Variants in PKD2 observed in about 807,000 individuals in gnomAD.
PKD2 encodes polycystin 2, transient receptor potential cation channel.
A neutral mutation model predicts 105.9 loss-of-function variants in PKD2; 48 were observed. The ratio of observed to expected loss-of-function variants is 0.45; its 90% CI spans 0.36 to 0.58. The LOEUF is 0.58. Ranked by LOEUF, PKD2 falls within the 20% of genes least tolerant of loss-of-function variation. PKD2 has a pLI of 0.00. For synonymous variants in PKD2, 464 were observed against 481.1 expected (o/e 0.96, Z 0.46); for missense variants, 1,078 against 1,255.3 (o/e 0.86, Z 2.13).
intron 1 of PKD2, among the ~76,000 whole-genome samples, chr4:88,009,215 A>C (rs1007822456): frequency 6.6e-6 from 1 of 152,234 alleles, no homozygotes; most frequent in African/African-American, 2.4e-5. Context: ...CTCTTTTTAC[A>C]AATTTTGTCA....
At position 88,007,885 on chromosome 4, in the gene PKD2, G is replaced by T. The variant is rs1322801646; in HGVS notation, c.152G>T (p.Gly51Val). The T allele has an allele frequency of 3.6e-6, 5 of 1,373,006 alleles. No homozygotes were observed. Among genetic ancestry groups the T allele is most frequent in the Non-Finnish European group, 4.7e-6 (5 of 1,056,158 alleles). 85.1% of individuals were successfully genotyped at this position (1,373,006 alleles called of 1,614,324 possible). Residue 51 changes from glycine (G) to valine (V), a missense_variant, in exon 1 of 15, where the codon GGC (glycine) becomes GTC (valine). Around this residue, in one of 2 missense-constraint regions of PKD2, gnomAD observed 210 missense variants for 187.9 expected, o/e 1.12. Coordinates refer to ENST00000237596, the MANE Select transcript of PKD2 (RefSeq NM_000297.4). ...CCGGGCGGCCTCTGCGAGCAGCGGG[G>T]CCTGGAGATCGAGATGCAGCGCATC... is the stretch of plus-strand genomic sequence containing the variant. Reference protein sequence around the residue: ...AAPGGLCEQRGLEIEMQRIRQ... With the variant: ...AAPGGLCEQRVLEIEMQRIRQ...
chr4:88,041,844 C>G (rs1316462853), intron 4 of PKD2, among the ~76,000 whole-genome samples: 14 of 152,182 alleles, frequency 9.2e-5, no homozygotes. Flanking sequence ...TCCAACCTTG[C>G]AAACAGGCCT....
chr4:88,053,612 G>A (rs539827628), intron 7 of PKD2, among the ~76,000 whole-genome samples: 4 of 149,732 alleles, frequency 2.7e-5, no homozygotes, highest in East Asian at 3.9e-4. Flanking sequence ...AGCCAAGATC[G>A]CACCGCTGCA....
intron 9 of PKD2, 136 bp downstream of exon 9, chr4:88,058,239 A>T: frequency 3.0e-6 from 2 of 657,478 alleles, no homozygotes; most frequent in South Asian, 3.6e-5. Flanking sequence ...ATGTTGGAAA[A>T]CTTATTTTCC....
intron 3 of PKD2, among the ~76,000 whole-genome samples, chr4:88,038,024 G>T (rs1727403676): frequency 1.3e-5 from 2 of 152,172 alleles, no homozygotes; most frequent in Non-Finnish European, 2.9e-5. Context: ...CAAAAGATGG[G>T]TTTTCCAGAT....
chr4:88,072,138 A>C (rs1721060586), intron 13 of PKD2, among the ~76,000 whole-genome samples: 1 of 151,944 alleles, frequency 6.6e-6, no homozygotes, highest in Non-Finnish European at 1.5e-5. Context: ...GCACGCCACC[A>C]TGCCTGGTTA....
At chr4:88,063,776 T>C (rs945586127) in intron 10 of PKD2, among the ~76,000 whole-genome samples, 2 of 152,182 alleles carry the variant, frequency 1.3e-5, no homozygotes, top group African/African-American at 2.4e-5. Context: ...CAGATGAAGA[T>C]GTCTTGAGGA....
chr4:88,038,388 AAAT>A lies in PKD2; in HGVS notation c.982_984del (p.Asn328del), dbSNP rs1727421192. The A allele has an allele frequency of 6.2e-7, 1 of 1,614,034 alleles. No homozygotes were observed. The highest frequency in any genetic ancestry group is 8.5e-7 in the Non-Finnish European group (1 of 1,179,900). On this transcript the variant is annotated inframe_deletion, in exon 4 of 15. Coordinates refer to ENST00000237596, the MANE Select transcript of PKD2 (RefSeq NM_000297.4). Reference sequence around the variant, plus strand: ...CACGAATACGGCAACTCCGAGTCAGAAATGGATCCTGCTCTATCCCCCAGGACT... The same window carrying A: ...CACGAATACGGCAACTCCGAGTCAGAGGATCCTGCTCTATCCCCCAGGACT...
chr4:88,056,738 AAAC>A (rs1295261891), intron 8 of PKD2, among the ~76,000 whole-genome samples: 2 of 152,250 alleles, frequency 1.3e-5, no homozygotes, highest in Non-Finnish European at 2.9e-5. Flanking sequence ...ATGTGAAATA[AAAC>A]AACAAAAAGC....
intron 5 of PKD2, among the ~76,000 whole-genome samples, chr4:88,045,691 T>C (rs1727740291): frequency 6.6e-6 from 1 of 152,152 alleles, no homozygotes; most frequent in South Asian, 2.1e-4. Flanking sequence ...AGTCCAGTTA[T>C]GGTAAAGCAG....
At chr4:88,055,977 G>T in intron 7 of PKD2, 109 bp from the exon 8 acceptor site, 1 of 804,854 alleles carries the variant, frequency 1.2e-6, no homozygotes, top group Admixed American at 1.8e-5. Context: ...CATCCATGTT[G>T]TAACCTGTCA....
intron 11 of PKD2, 48 bp downstream of exon 11, chr4:88,065,543 A>G (rs367871859): frequency 1.9e-6 from 3 of 1,589,952 alleles, no homozygotes; most frequent in Non-Finnish European, 2.6e-6. Context: ...GCTTCTAAAG[A>G]TAAATTCCTG....
At chr4:88,053,315 T>C (rs1462385626) in intron 7 of PKD2, among the ~76,000 whole-genome samples, 1 of 152,182 alleles carries the variant, frequency 6.6e-6, no homozygotes, top group Admixed American at 6.5e-5. Flanking sequence ...TTACCCGTTA[T>C]GTACTTTTCT....
intron 9 of PKD2, among the ~76,000 whole-genome samples, chr4:88,058,716 A>G (rs1578143257): frequency 6.6e-6 from 1 of 152,300 alleles, no homozygotes; most frequent in Admixed American, 6.5e-5. Flanking sequence ...TTTAAAACTA[A>G]ATGTAACAAT....
chr4:88,068,940 T>C (rs1447080599), intron 13 of PKD2, among the ~76,000 whole-genome samples: 1 of 152,220 alleles, frequency 6.6e-6, no homozygotes, highest in Non-Finnish European at 1.5e-5. Flanking sequence ...TGCATACATA[T>C]TTATAACTAG....
At chr4:88,055,748 C>T (rs1172580147) in intron 7 of PKD2, among the ~76,000 whole-genome samples, 1 of 151,856 alleles carries the variant, frequency 6.6e-6, no homozygotes, top group African/African-American at 2.4e-5. Flanking sequence ...GCAGCCATCG[C>T]CATTATGCTG....
chr4:88,016,767 C>T (rs1321206322), intron 1 of PKD2, among the ~76,000 whole-genome samples: 1 of 151,922 alleles, frequency 6.6e-6, no homozygotes, highest in South Asian at 2.1e-4. Context: ...TTGAGGCCAG[C>T]CTAGGCAATG....
rs182728235 is a variant in PKD2, at chr4:88,030,177, G to T, written c.710-6043G>T. ...TTATTTATGTATTTATTTGAGACAG[G>T]GTCTCACTCTGTCACCCAGGCTGGG... On this transcript the variant is annotated intron_variant, in intron 2 of 14. Transcript: ENST00000237596. Among the ~76,000 whole-genome samples the T allele has an allele frequency of 1.7e-3, 261 of 152,120 alleles. 3 individuals are homozygous for T. The highest frequency in any genetic ancestry group is 3.1e-4 in the Non-Finnish European group (21 of 68,000).
chr4:88,023,818 C>T lies in PKD2; in HGVS notation c.709+4247C>T, dbSNP rs577435397. Among the ~76,000 whole-genome samples the T allele has an allele frequency of 8.3e-4, 126 of 152,288 alleles. 1 individual carries two copies. The highest frequency in any genetic ancestry group is 4.5e-3 in the Admixed American group (69 of 15,302). ...TGAGAATGGCAGAATTATCTCAGTT[C>T]TAAGAGCTATAGTTTCTAATTATTT... is the stretch of plus-strand genomic sequence containing the variant. On this transcript the variant is annotated intron_variant, in intron 2 of 14. Coordinates refer to ENST00000237596, the MANE Select transcript of PKD2 (RefSeq NM_000297.4).
Sources: gnomAD v4.1 joint callset for allele counts (sites outside exome capture counted in the v4.1 genomes callset) on GRCh38, gnomAD v4.1.1 for gene constraint, gnomAD v4.1.1 regional missense constraint, MANE v1.5 for transcripts, NCBI Gene and HGNC (gene_info 2026-07-23, HGNC 2026-07-21) for gene names.